CEP290: variants seen among roughly 807,000 people sequenced by gnomAD.
CEP290 encodes the protein centrosomal protein 290.
In CEP290, 317 loss-of-function variants were observed where a neutral mutation model predicts 344.9. The observed-to-expected ratio is 0.92, with a 90% CI of 0.84 to 1.01. The LOEUF (loss-of-function observed/expected upper bound fraction) is 1.01. CEP290 is among the 50% of genes least tolerant of loss of function. The pLI, the probability that CEP290 is intolerant of heterozygous loss-of-function variation, is 0.00. For missense variants in CEP290, 2,754 were observed against 2,761.4 expected (o/e 1.00, Z 0.06); for synonymous variants, 932 against 895.8 (o/e 1.04, Z -0.72).
chr12:88,138,080 A>T (rs2040440819), intron 5 of CEP290, among the ~76,000 whole-genome samples: 1 of 151,996 alleles, frequency 6.6e-6, no homozygotes, highest in Non-Finnish European at 1.5e-5. Flanking sequence ...TCACTCCCAC[A>T]CCCACATCAG....
rs759513874 is a variant in CEP290 at position 88,131,149 on chromosome 12, T to C, written c.495+16A>G. On this transcript the variant is annotated intron_variant, in intron 7 of 53. Coordinates refer to ENST00000552810, the MANE Select transcript of CEP290 (RefSeq NM_025114.4). Reference sequence around the variant, plus strand: ...AGTACCTTTGTTGAACCACCACAACTACTAAAATTTTTTACCTCTCTTCTT... The same window carrying C: ...AGTACCTTTGTTGAACCACCACAACCACTAAAATTTTTTACCTCTCTTCTT... 86 of 1,499,834 alleles carry C rather than the reference T, an allele frequency of 5.7e-5. 1 individual carries two copies. In the Admixed American group the frequency reaches 9.5e-4, roughly 16 times the overall value. The allele number at this position is 1,499,834 out of a possible 1,614,324, so 92.9% of individuals were successfully genotyped here.
chr12:88,102,656 T>C (rs1220471896), intron 26 of CEP290, among the ~76,000 whole-genome samples, 182 bp downstream of exon 26: 1 of 152,150 alleles, frequency 6.6e-6, no homozygotes, highest in Admixed American at 6.6e-5. Context: ...TGTGTGTGTG[T>C]GTGTTATGTG....
intron 15 of CEP290, among the ~76,000 whole-genome samples, chr12:88,119,258 A>G (rs2039258482): frequency 6.6e-6 from 1 of 152,200 alleles, no homozygotes; most frequent in Admixed American, 6.5e-5. Context: ...ATCATTTTTA[A>G]CTAAGAAAGC....
intron 47 of CEP290, among the ~76,000 whole-genome samples, chr12:88,060,516 C>T (rs941014061): frequency 2.0e-5 from 3 of 151,934 alleles, no homozygotes; most frequent in African/African-American, 7.3e-5. Flanking sequence ...GTCAAGATTG[C>T]ACCACTGCAT....
chr12:88,078,575 G>C (rs2035956208), intron 39 of CEP290, among the ~76,000 whole-genome samples: 1 of 152,008 alleles, frequency 6.6e-6, no homozygotes, highest in African/African-American at 2.4e-5. Flanking sequence ...AAAATACCCT[G>C]TATAATACTA....
intron 49 of CEP290, 187 bp downstream of exon 49, chr12:88,058,656 CAAGTT>C: frequency 1.6e-6 from 1 of 635,692 alleles, no homozygotes; most frequent in African/African-American, 1.8e-5. Flanking sequence ...CAAGGTTAAA[CAAGTT>C]AAACATTTCA....
chr12:88,111,728 T>C lies in CEP290; in HGVS notation c.2183A>G (p.Asn728Ser), dbSNP rs752513342. Residue 728 changes from asparagine to serine, a missense_variant, in exon 21 of 54, where the codon AAT becomes AGT. Transcript: ENST00000552810. ...ELRESRKEAI[N>S]YSQQLAKANL... ...AGCTTTTGCCAACTGCTGTGAATAA[T>C]TTATAGCCTCTTTCCGAGATTCCCT... The C allele has an allele frequency of 1.8e-5, 29 of 1,601,600 alleles. No homozygotes were observed. The highest frequency in any genetic ancestry group is 2.5e-5 in the Non-Finnish European group (29 of 1,175,640).
In CEP290 at chr12:88,072,055, A is replaced by C. The variant is rs1268490365; in HGVS notation, c.5710-129T>G. The stretch of plus-strand genomic sequence containing the variant: ...TCCTAGAGAATATGTAAATATGTTC[A>C]TTTTGCTATACAGGTTGAGTATCCC... On this transcript the variant is annotated intron_variant, in intron 41 of 53. Transcript: ENST00000552810. 7 of 877,426 alleles carry C rather than the reference A, an allele frequency of 8.0e-6. No homozygotes were observed. In the Admixed American group the frequency reaches 2.2e-4, roughly 27 times the overall value. 54.4% of individuals were successfully genotyped at this position (877,426 alleles called of 1,614,324 possible). A position where few individuals can be genotyped will look rare whatever the true frequency, so the allele number is the denominator to read the frequency against.
At chr12:88,108,917 T>C (rs2038479194) in intron 23 of CEP290, 149 bp downstream of exon 23, 1 of 430,504 alleles carries the variant, frequency 2.3e-6, no homozygotes, top group Admixed American at 4.7e-5. Context: ...CATAAATAAG[T>C]TCCTAACAGT....
intron 22 of CEP290, 29 bp from the exon 23 acceptor site, chr12:88,109,210 A>C (rs764093814): frequency 3.0e-6 from 2 of 662,998 alleles, no homozygotes; most frequent in East Asian, 3.3e-5. Context: ...ATAAGAATGC[A>C]AAAAAAAACA....
In CEP290 at chr12:88,139,182, A is replaced by C. The variant is rs2040499201; in HGVS notation, c.260T>G (p.Leu87Ter). 2 of 1,171,924 alleles carry C rather than the reference A, an allele frequency of 1.7e-6. No individual in the cohort carries two copies. The highest frequency in any genetic ancestry group is 5.6e-5 in the East Asian group (2 of 35,576). 72.6% of individuals were successfully genotyped at this position (1,171,924 alleles called of 1,614,324 possible). The change falls in exon 5 of 54, where the codon TTA becomes TGA. Residue 87 changes from leucine to a stop codon, truncating the protein, a stop_gained. Coordinates refer to ENST00000552810, the MANE Select transcript of CEP290 (RefSeq NM_025114.4). LOFTEE classifies it high-confidence loss of function. ...TTCCAGTTTCATTACTTTAGTTTTT[A>C]ATTGATTTTCTATTTTTTTAAAAAA... is the stretch of plus-strand genomic sequence containing the variant. The part of the protein sequence containing the change: ...GEEQAKFENQ[L>*]KTKVMKLENE...
At chr12:88,139,309 G>T in intron 4 of CEP290, 118 bp from the exon 5 acceptor site, 1 of 531,358 alleles carries the variant, frequency 1.9e-6, no homozygotes, top group Non-Finnish European at 3.1e-6. Flanking sequence ...TGATTATAAG[G>T]TAACAAAAAG....
intron 33 of CEP290, 74 bp from the exon 34 acceptor site, chr12:88,086,247 T>G (rs1292011645): frequency 2.1e-5 from 32 of 1,547,104 alleles, no homozygotes; most frequent in Non-Finnish European, 2.7e-5. Flanking sequence ...TACAGCTGTA[T>G]GATAAAACAT....
chr12:88,098,995 G>A (rs916436809), intron 26 of CEP290, among the ~76,000 whole-genome samples: 1 of 152,144 alleles, frequency 6.6e-6, no homozygotes, highest in African/African-American at 2.4e-5. Flanking sequence ...TTAACTTAAC[G>A]TATAAAAGAA....
intron 5 of CEP290, among the ~76,000 whole-genome samples, chr12:88,137,777 G>C (rs2040424602): frequency 6.6e-6 from 1 of 152,154 alleles, no homozygotes; most frequent in Non-Finnish European, 1.5e-5. Flanking sequence ...AAATACATGA[G>C]GGTCAGAAGA....
At chr12:88,116,300 C>G (rs2039033118) in intron 18 of CEP290, among the ~76,000 whole-genome samples, 1 of 152,170 alleles carries the variant, frequency 6.6e-6, no homozygotes, top group Admixed American at 6.5e-5. Flanking sequence ...CTTTAAAAAT[C>G]TCTCTTATTG....
intron 38 of CEP290, 70 bp from the exon 39 acceptor site, chr12:88,079,299 A>G: frequency 1.6e-6 from 2 of 1,232,470 alleles, no homozygotes; most frequent in African/African-American, 1.6e-5. Flanking sequence ...TATATGATAT[A>G]AAAAATAAAC....
In CEP290 at chr12:88,077,888, A is replaced by G; in HGVS notation, c.5395T>C (p.Leu1799=). Residue 1799 remains leucine, a synonymous_variant, in exon 40 of 54, where the codon TTA becomes CTA. Transcript: ENST00000552810. ...GTTTTAAGTGCTTCTTTCAATTTTAAAAGATTTTCATTTAAATCTTCAACT... is the reference window on the plus strand; with the variant it reads ...GTTTTAAGTGCTTCTTTCAATTTTAGAAGATTTTCATTTAAATCTTCAACT... The part of the protein sequence containing the change: ...TQVEDLNENL[L]KLKEALKTSK... 1 of 1,370,522 alleles carries G rather than the reference A, an allele frequency of 7.3e-7. No homozygotes were observed. Among genetic ancestry groups the G allele is most frequent in the Non-Finnish European group, 9.9e-7 (1 of 1,009,184 alleles). 84.9% of individuals were successfully genotyped at this position (1,370,522 alleles called of 1,614,324 possible).
At chr12:88,075,871 CA>C (rs2035733212) in intron 41 of CEP290, among the ~76,000 whole-genome samples, 1 of 152,126 alleles carries the variant, frequency 6.6e-6, no homozygotes, top group East Asian at 1.9e-4. Flanking sequence ...TGATGGCTTA[CA>C]AAAGACTTCC....
Sources: gnomAD v4.1 joint callset for allele counts (sites outside exome capture counted in the v4.1 genomes callset) on GRCh38, gnomAD v4.1.1 for gene constraint, MANE v1.5 for transcripts, NCBI Gene and HGNC (gene_info 2026-07-23, HGNC 2026-07-21) for gene names.